The following PCDHA3 variants were observed in gnomAD, a reference collection of about 807,000 sequenced individuals.
The protein encoded by PCDHA3 is protocadherin alpha-3.
Under a neutral mutation model 62.2 loss-of-function variants are expected in PCDHA3, and 41 were observed. That is an observed-to-expected ratio of 0.66 (90% CI 0.51 to 0.86). The LOEUF is 0.86. Among genes scored for constraint, PCDHA3 ranks in the 40% least tolerant of loss-of-function variants. PCDHA3 has a pLI of 0.00. For synonymous variants in PCDHA3, 640 were observed against 555.4 expected (o/e 1.15, Z -2.14); for missense variants, 1,304 against 1,241.2 (o/e 1.05, Z -0.76).
At chr5:140,852,920 C>T (rs1481418801) in intron 1 of PCDHA3, 1 of 758,850 alleles carries the variant, frequency 1.3e-6, no homozygotes, top group African/African-American at 1.9e-5. Context: ...GCTCTGTTGC[C>T]CAGGCTGGAG....
chr5:140,984,659 C>G (rs560265457), intron 3 of PCDHA3, among the ~76,000 whole-genome samples: 4 of 152,246 alleles, frequency 2.6e-5, no homozygotes, highest in African/African-American at 9.6e-5. Flanking sequence ...CCTTCTGGTA[C>G]TTTTAGGTTT....
At chr5:140,883,758 G>T in intron 1 of PCDHA3, 1 of 1,612,920 alleles carries the variant, frequency 6.2e-7, no homozygotes, top group Non-Finnish European at 8.5e-7. Flanking sequence ...CTGGTGGAGC[G>T]GCGGGTGGGC....
intron 1 of PCDHA3, among the ~76,000 whole-genome samples, chr5:140,910,646 G>T (rs1490115049): frequency 6.6e-6 from 1 of 152,158 alleles, no homozygotes; most frequent in Non-Finnish European, 1.5e-5. Flanking sequence ...TAAACCTTTT[G>T]ATCCCTTCCT....
chr5:141,001,987 A>C (rs547998020), intron 3 of PCDHA3, among the ~76,000 whole-genome samples: 3 of 152,302 alleles, frequency 2.0e-5, no homozygotes, highest in African/African-American at 7.2e-5. Context: ...AAAGCCTGGA[A>C]GTTCACTTGC....
At chr5:140,808,252 A>T in intron 1 of PCDHA3, 2 of 1,614,232 alleles carry the variant, frequency 1.2e-6, no homozygotes, top group Non-Finnish European at 1.7e-6. Context: ...TCAAGTCTTT[A>T]TCACTTCCAA....
chr5:140,832,598 C>T (rs2150202655), intron 1 of PCDHA3, among the ~76,000 whole-genome samples: 1 of 152,134 alleles, frequency 6.6e-6, no homozygotes, highest in African/African-American at 2.4e-5. Flanking sequence ...AGAACTATAG[C>T]GTTGCTAGTG....
chr5:140,894,790 T>G lies in PCDHA3; in HGVS notation c.2395-84159T>G, dbSNP rs943284227. On this transcript the variant is annotated intron_variant, in intron 1 of 3. Coordinates refer to ENST00000522353, the MANE Select transcript of PCDHA3 (RefSeq NM_018906.3). ...TCCTTTAGTGTAATTATTTGTCCTC[T>G]CCTTTAAAAATAATTTTATATCAGA... Among the ~76,000 whole-genome samples, 13 of 152,282 alleles carry G rather than the reference T, an allele frequency of 8.5e-5. No individual in the cohort carries two copies. The South Asian group carries it at 2.5e-3, about 29-fold the overall frequency.
intron 1 of PCDHA3, among the ~76,000 whole-genome samples, chr5:140,895,002 A>C (rs1003440406): frequency 6.6e-6 from 1 of 152,030 alleles, no homozygotes; most frequent in Non-Finnish European, 1.5e-5. Flanking sequence ...TACCCTTTTT[A>C]CTTGGACCTT....
rs548429892 is a variant in PCDHA3 at position 140,891,971 on chromosome 5, G to A, written c.2395-86978G>A. Among the ~76,000 whole-genome samples the A allele has an allele frequency of 9.9e-5, 15 of 152,232 alleles. No homozygotes were observed. In the South Asian group the frequency reaches 1.9e-3, roughly 19 times the overall value. On this transcript the variant is annotated intron_variant, in intron 1 of 3. Transcript: ENST00000522353. ...CCAGAATTGTGAGAAGTAAATTTCC[G>A]TTCTCATAAATTACTCAGTCTGTGG...
At chr5:140,911,151 G>A (rs2075350899) in intron 1 of PCDHA3, among the ~76,000 whole-genome samples, 1 of 152,174 alleles carries the variant, frequency 6.6e-6, no homozygotes, top group South Asian at 2.1e-4. Context: ...TTTCTCCTCA[G>A]ACAAATGTGG....
intron 1 of PCDHA3, among the ~76,000 whole-genome samples, chr5:140,873,728 T>A (rs1208346643): frequency 6.6e-6 from 1 of 152,190 alleles, no homozygotes; most frequent in African/African-American, 2.4e-5. Flanking sequence ...TGGCGCAATC[T>A]CAGCTCACTG....
intron 1 of PCDHA3, among the ~76,000 whole-genome samples, chr5:140,937,861 G>A (rs1159207693): frequency 6.6e-6 from 1 of 150,994 alleles, no homozygotes; most frequent in African/African-American, 2.4e-5. Context: ...GGAGTGAGCC[G>A]AGATCGCGCC....
At chr5:140,841,330 T>C (rs2150313655) in intron 1 of PCDHA3, 15 of 1,609,434 alleles carry the variant, frequency 9.3e-6, no homozygotes, top group Non-Finnish European at 1.1e-5. Context: ...ACATGGATTA[T>C]CACTGGCGAG....
intron 3 of PCDHA3, among the ~76,000 whole-genome samples, chr5:140,985,288 A>G (rs1007960248): frequency 1.3e-5 from 2 of 152,112 alleles, no homozygotes; most frequent in African/African-American, 4.8e-5. Flanking sequence ...AATCTATGAT[A>G]TAGTGTTGGC....
chr5:140,829,374 G>A (rs2150166650), intron 1 of PCDHA3: 2 of 1,614,224 alleles, frequency 1.2e-6, no homozygotes, highest in Non-Finnish European at 8.5e-7. Context: ...GTAACCGCGC[G>A]GGACGGGGGC....
chr5:140,925,836 C>G (rs2082758211), intron 1 of PCDHA3, among the ~76,000 whole-genome samples: 1 of 152,104 alleles, frequency 6.6e-6, no homozygotes, highest in African/African-American at 2.4e-5. Context: ...GACGGGTCGT[C>G]AAGTCTTTGA....
In PCDHA3 at chr5:140,853,448, G is replaced by A; in HGVS notation, c.2394+49857G>A. ...AGACACTTTCCTATTTTGCCTAATA[G>A]GTCTCCTTATATGCATCTGTAGTTA... On this transcript the variant is annotated intron_variant, in intron 1 of 3. Transcript: ENST00000522353. 2.0e-6 allele frequency: 2 copies of A among 980,734 alleles called. 1 individual carries two copies. Among genetic ancestry groups the A allele is most frequent in the South Asian group, 9.5e-5 (2 of 21,032 alleles). 60.8% of individuals were successfully genotyped at this position (980,734 alleles called of 1,614,324 possible).
intron 1 of PCDHA3, chr5:140,805,129 A>G (rs1763514845): frequency 6.3e-7 from 1 of 1,580,766 alleles, no homozygotes; most frequent in East Asian, 2.2e-5. Flanking sequence ...CTTGGCAAAG[A>G]CATTTTGAAG....
chr5:140,874,662 G>A (rs1478767625), intron 1 of PCDHA3, among the ~76,000 whole-genome samples: 1 of 152,170 alleles, frequency 6.6e-6, no homozygotes, highest in Non-Finnish European at 1.5e-5. Flanking sequence ...AAACTTTCCA[G>A]AATCTATTCC....
Sources: gnomAD v4.1 joint callset for allele counts (sites outside exome capture counted in the v4.1 genomes callset) on GRCh38, gnomAD v4.1.1 for gene constraint, MANE v1.5 for transcripts, NCBI Gene and HGNC (gene_info 2026-07-23, HGNC 2026-07-21) for gene names.